Variants in PLEKHA7 observed in about 807,000 individuals in gnomAD.
PLEKHA7 encodes pleckstrin homology domain containing A7.
PLEKHA7 carries 104 observed loss-of-function variants against 170.0 expected under a neutral mutation model. The ratio of observed to expected loss-of-function variants is 0.61; its 90% CI spans 0.52 to 0.72. The LOEUF is 0.72. Ranked by LOEUF, PLEKHA7 falls within the 30% of genes least tolerant of loss-of-function variation. PLEKHA7 has a pLI of 0.00. For synonymous variants in PLEKHA7, 648 were observed against 660.8 expected (o/e 0.98, Z 0.30); for missense variants, 1,615 against 1,671.7 (o/e 0.97, Z 0.59).
intron 3 of PLEKHA7, among the ~76,000 whole-genome samples, chr11:16,976,775 C>A (rs188722758): frequency 6.6e-6 from 1 of 152,288 alleles, no homozygotes; most frequent in Admixed American, 6.5e-5. Flanking sequence ...TTTTTTTGGT[C>A]TCATAGGACA....
chr11:16,825,976 G>T, intron 10 of PLEKHA7, 144 bp downstream of exon 10: 3 of 887,908 alleles, frequency 3.4e-6, no homozygotes, highest in Non-Finnish European at 5.3e-6. Context: ...ACCCTTTCTT[G>T]CAGGGTTGTT....
chr11:16,964,449 C>T (rs565809022), intron 3 of PLEKHA7, among the ~76,000 whole-genome samples: 2 of 152,294 alleles, frequency 1.3e-5, no homozygotes, highest in African/African-American at 4.8e-5. Flanking sequence ...ACAAGAGTTC[C>T]AATTTCTCCA....
At chr11:16,939,282 T>C (rs1044487365) in intron 3 of PLEKHA7, among the ~76,000 whole-genome samples, 18 of 152,002 alleles carry the variant, frequency 1.2e-4, no homozygotes, top group African/African-American at 4.3e-4. Context: ...GGTGTGGTGG[T>C]GCACGCCTAT....
At position 16,811,293 on chromosome 11, in the gene PLEKHA7, C is replaced by T. The variant is rs139000036; in HGVS notation, c.2007+1820G>A. Reference sequence around the variant, plus strand: ...CCGTGCACTAAACACTCTGGTATACCTGTGTTTTATACTCACCTGTGCTGC... The same window carrying T: ...CCGTGCACTAAACACTCTGGTATACTTGTGTTTTATACTCACCTGTGCTGC... On this transcript the variant is annotated intron_variant, in intron 13 of 26. Transcript: ENST00000531066. Among the ~76,000 whole-genome samples, 105 of 152,306 alleles carry T rather than the reference C, an allele frequency of 6.9e-4. No individual in the cohort carries two copies. The Middle Eastern group carries it at 0.01, about 15-fold the overall frequency.
chr11:16,939,651 C>T (rs891280797), intron 3 of PLEKHA7, among the ~76,000 whole-genome samples: 1 of 152,172 alleles, frequency 6.6e-6, no homozygotes, highest in African/African-American at 2.4e-5. Flanking sequence ...AGTTTTAAAA[C>T]TATGCAGATG....
chr11:16,949,210 C>G (rs1861253451), intron 3 of PLEKHA7, among the ~76,000 whole-genome samples: 2 of 152,134 alleles, frequency 1.3e-5, no homozygotes, highest in Admixed American at 1.3e-4. Context: ...TGTGCTCCTC[C>G]CCACCATTCA....
At chr11:16,845,462 G>A (rs1852318434) in intron 8 of PLEKHA7, among the ~76,000 whole-genome samples, 1 of 152,148 alleles carries the variant, frequency 6.6e-6, no homozygotes, top group African/African-American at 2.4e-5. Flanking sequence ...CGCCTCCCTG[G>A]TTCGAGCAAT....
chr11:16,889,444 T>C (rs2135920250), intron 3 of PLEKHA7, among the ~76,000 whole-genome samples: 1 of 127,738 alleles, frequency 7.8e-6, no homozygotes, highest in South Asian at 2.5e-4. Flanking sequence ...TATATATATA[T>C]ATGAACTATT....
chr11:16,934,907 A>AT (rs1860181806), intron 3 of PLEKHA7, among the ~76,000 whole-genome samples: 1 of 152,222 alleles, frequency 6.6e-6, no homozygotes, highest in Non-Finnish European at 1.5e-5. Flanking sequence ...TCTGGTTATA[A>AT]TTAGCACCTG....
chr11:16,786,114 C>G (rs566404818), intron 24 of PLEKHA7, 115 bp downstream of exon 24: 1 of 1,274,952 alleles, frequency 7.8e-7, no homozygotes, highest in Non-Finnish European at 1.1e-6. Context: ...CTAGGCCACA[C>G]TGAAGCTGAG....
At chr11:16,822,356 G>C (rs1002984519) in intron 10 of PLEKHA7, among the ~76,000 whole-genome samples, 1 of 151,960 alleles carries the variant, frequency 6.6e-6, no homozygotes, top group Non-Finnish European at 1.5e-5. Context: ...GGTAATTCAG[G>C]TTTGCCCATC....
chr11:16,857,484 G>A (rs767893853), intron 4 of PLEKHA7, among the ~76,000 whole-genome samples: 2 of 152,212 alleles, frequency 1.3e-5, no homozygotes, highest in Non-Finnish European at 2.9e-5. Flanking sequence ...CAAGATAACC[G>A]CTGATCAGGA....
At chr11:16,953,734 T>C (rs1861539015) in intron 3 of PLEKHA7, among the ~76,000 whole-genome samples, 1 of 152,238 alleles carries the variant, frequency 6.6e-6, no homozygotes, top group South Asian at 2.1e-4. Context: ...GTATACTTGG[T>C]TGACTGGAAA....
chr11:16,874,713 C>T (rs1855144631), intron 3 of PLEKHA7, among the ~76,000 whole-genome samples: 2 of 152,192 alleles, frequency 1.3e-5, no homozygotes, highest in South Asian at 2.1e-4. Context: ...TCTTTATCTC[C>T]CCCTTTCCTC....
intron 3 of PLEKHA7, among the ~76,000 whole-genome samples, chr11:16,944,313 C>T (rs1365618919): frequency 6.6e-6 from 1 of 150,780 alleles, no homozygotes; most frequent in Admixed American, 6.6e-5. Flanking sequence ...GAAACCATGC[C>T]ATTGCACTCC....
At chr11:16,917,264 C>T (rs1028844949) in intron 3 of PLEKHA7, among the ~76,000 whole-genome samples, 1 of 152,114 alleles carries the variant, frequency 6.6e-6, no homozygotes, top group African/African-American at 2.4e-5. Flanking sequence ...GCCTGTCTTC[C>T]CCACTAGAAT....
At chr11:16,818,072 A>G (rs1019036717) in intron 10 of PLEKHA7, among the ~76,000 whole-genome samples, 1 of 104,208 alleles carries the variant, frequency 9.6e-6, no homozygotes, top group Non-Finnish European at 2.1e-5. Flanking sequence ...GGTCACCCCT[A>G]CACCTGCTGG....
intron 3 of PLEKHA7, among the ~76,000 whole-genome samples, chr11:16,991,987 C>T (rs1049004585): frequency 1.3e-5 from 2 of 152,102 alleles, no homozygotes; most frequent in East Asian, 1.9e-4. Flanking sequence ...AAAAGCTCCC[C>T]GGGAATGTGC....
chr11:16,922,158 G>A (rs375248050), intron 3 of PLEKHA7, among the ~76,000 whole-genome samples: 33 of 117,742 alleles, frequency 2.8e-4, no homozygotes, highest in African/African-American at 9.1e-4. Context: ...TATGGCCTCT[G>A]GTAGCAGCAC....
Sources: gnomAD v4.1 joint callset for allele counts (sites outside exome capture counted in the v4.1 genomes callset) on GRCh38, gnomAD v4.1.1 for gene constraint, MANE v1.5 for transcripts, NCBI Gene and HGNC (gene_info 2026-07-23, HGNC 2026-07-21) for gene names.